Variants in RTN3 observed in about 807,000 individuals in gnomAD.
RTN3 encodes reticulon 3.
A neutral mutation model predicts 77.8 loss-of-function variants in RTN3; 49 were observed. The observed-to-expected ratio is 0.63, with a 90% confidence interval of 0.50 to 0.80. The LOEUF is 0.80. Among genes scored for constraint, RTN3 ranks in the 30% least tolerant of loss-of-function variants. The pLI is 0.00. For missense variants in RTN3, 1,236 were observed against 1,211.9 expected, an observed-to-expected ratio of 1.02 and a Z score of -0.29; for synonymous variants, 464 against 446.9, an observed-to-expected ratio of 1.04 and a Z score of -0.48.
rs538056887 is a variant in RTN3 at position 63,723,125 on chromosome 11, A to G, written c.2530+2093A>G. Among the ~76,000 whole-genome samples, 5 of 152,332 alleles carry G rather than the reference A, an allele frequency of 3.3e-5. No individual in the cohort carries two copies. In the South Asian group the frequency reaches 6.2e-4, roughly 19 times the overall value. On this transcript the variant is annotated intron_variant, in intron 3 of 8. Transcript: ENST00000377819. ...ATTATTAGTGATTATCAACTGAATT[A>G]TTTAATCTAGCGTGAGAGATGTAAA...
chr11:63,754,812 A>G lies in RTN3; in HGVS notation c.2994+1104A>G, dbSNP rs546788587. ...CATGGTGGCGGGCGCCTGTAGTCCC[A>G]GCTACTCAGAGAGGCTGAGGCAGGA... On this transcript the variant is annotated intron_variant, in intron 7 of 8. Transcript: ENST00000377819. 2.7e-4 allele frequency among the ~76,000 whole-genome samples: 41 copies of G among 149,370 alleles called. 1 individual carries two copies. The highest frequency in any genetic ancestry group is 1.1e-3 in the Admixed American group (16 of 14,860).
At position 63,719,804 on chromosome 11, in the gene RTN3, A is replaced by C. The variant is rs375047740; in HGVS notation, c.1302A>C (p.Lys434Asn). 2.3e-5 allele frequency: 37 copies of C among 1,614,080 alleles called. No homozygotes were observed. Among genetic ancestry groups the C allele is most frequent in the Non-Finnish European group, 3.1e-5 (36 of 1,180,050 alleles). ...ATTCCACAAAAGAATTCAGTATCAA[A>C]GGTGTGCAAGGCAATATGCAGAAAC... The part of the protein sequence containing the change: ...SLNSTKEFSI[K>N]GVQGNMQKQD... The change falls in exon 3 of 9, where the codon AAA becomes AAC. Residue 434 changes from lysine to asparagine, a missense_variant. By Grantham distance (94) the Lys-to-Asn change is moderately conservative (BLOSUM62 0). Coordinates refer to ENST00000377819, the MANE Select transcript of RTN3 (RefSeq NM_001265589.2).
chr11:63,757,246 A>G (rs1291531815), intron 8 of RTN3, among the ~76,000 whole-genome samples: 4 of 152,228 alleles, frequency 2.6e-5, no homozygotes, highest in African/African-American at 4.8e-5. Flanking sequence ...AAATATTGAC[A>G]AACATCTTTA....
intron 4 of RTN3, among the ~76,000 whole-genome samples, chr11:63,751,911 G>T (rs1243448851): frequency 6.6e-6 from 1 of 152,068 alleles, no homozygotes; most frequent in Non-Finnish European, 1.5e-5. Context: ...AGAATATCTT[G>T]AACCCAGGAG....
chr11:63,719,395 GAAAT>G lies in RTN3; in HGVS notation c.897_900del (p.Asn299LysfsTer30), dbSNP rs2011591767. ...ACTAATGACAAGCTTTTTCCACTGAGAAATAAAGAGGCAGGACGTTACCCAATGT... is the reference window on the plus strand; with the variant it reads ...ACTAATGACAAGCTTTTTCCACTGAGAAAGAGGCAGGACGTTACCCAATGT... On this transcript the variant is annotated frameshift_variant, in exon 3 of 9. Transcript: ENST00000377819. LOFTEE classifies it high-confidence loss of function. 2.5e-6 allele frequency: 4 copies of G among 1,614,154 alleles called. No homozygotes were observed. Among genetic ancestry groups the G allele is most frequent in the Non-Finnish European group, 2.5e-6 (3 of 1,180,032 alleles).
At chr11:63,728,866 G>A (rs1258617116) in intron 3 of RTN3, among the ~76,000 whole-genome samples, 7 of 141,362 alleles carry the variant, frequency 5.0e-5, no homozygotes, top group African/African-American at 1.6e-4. Flanking sequence ...CAGCCTGGGC[G>A]ACAGAGCGAG....
intron 1 of RTN3, among the ~76,000 whole-genome samples, chr11:63,702,969 G>A (rs1385732421): frequency 6.6e-6 from 1 of 152,130 alleles, no homozygotes; most frequent in Non-Finnish European, 1.5e-5. Flanking sequence ...ACAGGTGTGA[G>A]CCACTGCGCC....
chr11:63,718,836 C>T lies in RTN3; in HGVS notation c.334C>T (p.Pro112Ser). The T allele has an allele frequency of 6.2e-7, 1 of 1,614,080 alleles. No individual in the cohort carries two copies. Among genetic ancestry groups the T allele is most frequent in the South Asian group, 1.1e-5 (1 of 91,078 alleles). The stretch of plus-strand genomic sequence containing the variant: ...AAAAAGCCATGTGTTAGGGAGCCAG[C>T]CTATTTTAGCCAAAGAAGGAAAAGA... ...GEKSHVLGSQ[P>S]ILAKEGKDHL... The change falls in exon 3 of 9, where the codon CCT becomes TCT. Residue 112 changes from proline (P) to serine (S), a missense_variant. Coordinates refer to ENST00000377819, the MANE Select transcript of RTN3 (RefSeq NM_001265589.2).
chr11:63,746,735 C>G (rs769547769), intron 3 of RTN3, among the ~76,000 whole-genome samples: 8 of 152,000 alleles, frequency 5.3e-5, no homozygotes, highest in African/African-American at 1.7e-4. Context: ...AGGATGGTCT[C>G]GGTCTCCTGA....
intron 2 of RTN3, among the ~76,000 whole-genome samples, chr11:63,715,075 A>G (rs1039899399): frequency 2.6e-5 from 4 of 152,098 alleles, no homozygotes; most frequent in African/African-American, 9.7e-5. Context: ...TTAGCATTCA[A>G]TTTGGTTGCT....
In RTN3 at chr11:63,758,028, C is replaced by T. The variant is rs964583320; in HGVS notation, c.3054-128C>T. 19 of 671,900 alleles carry T rather than the reference C, an allele frequency of 2.8e-5. No individual in the cohort carries two copies. The Admixed American group carries it at 4.3e-4, about 15-fold the overall frequency. The allele number at this position is 671,900 out of a possible 1,614,324, so 41.6% of individuals were successfully genotyped here. A position where few individuals can be genotyped will look rare whatever the true frequency, so the allele number is the denominator to read the frequency against. ...ACACGCGTGAGCCACCATACCCAGC[C>T]GGGAGAATGCATTTCACATTGCTTA... On this transcript the variant is annotated intron_variant, in intron 8 of 8. Transcript: ENST00000377819.
chr11:63,746,809 C>T (rs754861519), intron 3 of RTN3: 14 of 365,798 alleles, frequency 3.8e-5, no homozygotes, highest in African/African-American at 2.1e-4. Flanking sequence ...CCACCGCACC[C>T]GGCTGTTAAG....
At chr11:63,685,551 TTCC>T (rs1236349673) in intron 1 of RTN3, among the ~76,000 whole-genome samples, 1 of 151,590 alleles carries the variant, frequency 6.6e-6, no homozygotes, top group African/African-American at 2.4e-5. Context: ...GCAGAAGCCT[TTCC>T]TCCTTGCTGG....
rs183294098 is a variant in RTN3 at position 63,726,753 on chromosome 11, C to G, written c.2530+5721C>G. Among the ~76,000 whole-genome samples the G allele has an allele frequency of 2.0e-4, 30 of 151,848 alleles. No homozygotes were observed. The East Asian group carries it at 3.9e-3, about 20-fold the overall frequency. On this transcript the variant is annotated intron_variant, in intron 3 of 8. Transcript: ENST00000377819. Reference sequence around the variant, plus strand: ...GCAGGCGCCTGTAATCCCACCTACTCAGGTGGCTGAGGCAGGAGAATCGCT... The same window carrying G: ...GCAGGCGCCTGTAATCCCACCTACTGAGGTGGCTGAGGCAGGAGAATCGCT...
chr11:63,719,552 A>G lies in RTN3; in HGVS notation c.1050A>G (p.Gln350=), dbSNP rs777605756. 1.9e-6 allele frequency: 3 copies of G among 1,614,070 alleles called. No homozygotes were observed. The African/African-American group carries it at 4.0e-5, about 22-fold the overall frequency. ...LTWDLVPQVK[Q]QTDKSSDCIT... is the part of the protein sequence containing the mutation. ...GGGATCTGGTTCCCCAAGTGAAACA[A>G]CAGACCGATAAATCTTCTGACTGCA... The change falls in exon 3 of 9, where the codon CAA becomes CAG. Residue 350 remains glutamine, a synonymous_variant. Transcript: ENST00000377819.
Position 63,720,617 on chromosome 11 carries a change from C to G in RTN3, c.2115C>G (p.Asp705Glu). 1 of 1,613,852 alleles carries G rather than the reference C, an allele frequency of 6.2e-7. No individual in the cohort carries two copies. The highest frequency in any genetic ancestry group is 8.5e-7 in the Non-Finnish European group (1 of 1,179,952). ...AGTCCGGTGGTTCTGAAATTAAAGACATTGGAAGCAAATACAGTGAACAAA... is the reference window on the plus strand; with the variant it reads ...AGTCCGGTGGTTCTGAAATTAAAGAGATTGGAAGCAAATACAGTGAACAAA... The part of the protein sequence containing the change: ...ENESGGSEIK[D>E]IGSKYSEQSK... The change falls in exon 3 of 9, where the codon GAC becomes GAG. Residue 705 changes from aspartate (D) to glutamate (E), a missense_variant. This residue lies in a region of RTN3 where 1,056 missense variants were observed against 990.4 expected (regional missense o/e 1.07). Transcript: ENST00000377819.
chr11:63,717,557 T>C (rs2011485134), intron 2 of RTN3, among the ~76,000 whole-genome samples: 1 of 151,650 alleles, frequency 6.6e-6, no homozygotes, highest in African/African-American at 2.4e-5. Flanking sequence ...CCGGCTAATT[T>C]TTTTGTATCT....
intron 3 of RTN3, among the ~76,000 whole-genome samples, chr11:63,738,500 G>C (rs1411625146): frequency 1.3e-5 from 2 of 151,988 alleles, no homozygotes; most frequent in Non-Finnish European, 2.9e-5. Flanking sequence ...AAATTAGCCA[G>C]GCATGGTGGC....
rs750039081 is a variant in RTN3 at position 63,681,726 on chromosome 11, C to A, written c.90C>A (p.Ser30Arg). ...AEPSAPGGGG[S>R]PGACPALGTK... ...CGTCCGCGCCCGGCGGCGGCGGGAGCCCAGGAGCCTGCCCCGCCCTGGGGA... is the reference window on the plus strand; with the variant it reads ...CGTCCGCGCCCGGCGGCGGCGGGAGACCAGGAGCCTGCCCCGCCCTGGGGA... The change falls in exon 1 of 9, where the codon AGC (serine) becomes AGA (arginine). Residue 30 changes from serine (S) to arginine (R), a missense_variant. Ser to Arg is a moderately radical substitution (Grantham distance 110). Coordinates refer to ENST00000377819, the MANE Select transcript of RTN3 (RefSeq NM_001265589.2). The A allele has an allele frequency of 4.0e-5, 65 of 1,609,600 alleles. No homozygotes were observed. Among genetic ancestry groups the A allele is most frequent in the Non-Finnish European group, 5.4e-5 (64 of 1,178,576 alleles).
Sources: allele counts gnomAD v4.1 joint callset (sites outside exome capture counted in the v4.1 genomes callset), GRCh38; gene constraint gnomAD v4.1.1; regional missense constraint gnomAD v4.1.1; transcripts MANE v1.5; gene names NCBI Gene and HGNC (gene_info 2026-07-23, HGNC 2026-07-21).